CNN3: variants seen among roughly 807,000 people sequenced by gnomAD.
CNN3 encodes calponin-3.
Under a neutral mutation model 39.0 loss-of-function variants are expected in CNN3, and 11 were observed. The ratio of observed to expected loss-of-function variants is 0.28; its 90% confidence interval spans 0.18 to 0.47. The LOEUF is 0.47. Ranked by LOEUF, CNN3 falls within the 20% of genes least tolerant of loss-of-function variation. CNN3 has a pLI of 0.99. For missense variants in CNN3, 266 were observed against 403.4 expected (o/e 0.66, Z 2.92); for synonymous variants, 101 against 138.3 (o/e 0.73, Z 1.89).
rs534563162 is a variant in CNN3 at position 94,918,949 on chromosome 1, C to A, written c.57+7889G>T. Among the ~76,000 whole-genome samples the A allele has an allele frequency of 2.0e-5, 3 of 151,480 alleles. No individual in the cohort carries two copies. In the South Asian group the frequency reaches 6.3e-4, roughly 32 times the overall value. ...GCAGAGCTGTTTCAGACTAAAAACA[C>A]TTTAACTCTCCCACTGGCCCATATG... On this transcript the variant is annotated intron_variant, in intron 1 of 6. Coordinates refer to ENST00000370206, the MANE Select transcript of CNN3 (RefSeq NM_001839.5).
chr1:94,902,984 T>C lies in CNN3; in HGVS notation c.246+138A>G, dbSNP rs115149388. ...AAATTAAATATGCACAAATTTCTGC[T>C]ACAATGTCTATGTAAAAACCGTAAT... On this transcript the variant is annotated intron_variant, in intron 3 of 6. Coordinates refer to ENST00000370206, the MANE Select transcript of CNN3 (RefSeq NM_001839.5). The C allele has an allele frequency of 8.5e-4, 486 of 572,958 alleles. No homozygotes were observed. In the African/African-American group the frequency reaches 8.5e-3, roughly 10 times the overall value. The allele number at this position is 572,958 out of a possible 1,614,324, so 35.5% of individuals were successfully genotyped here. A position where few individuals can be genotyped will look rare whatever the true frequency, so the allele number is the denominator to read the frequency against.
At chr1:94,903,598 G>A (rs745870539) in intron 1 of CNN3, 74 bp from the exon 2 acceptor site, 372 of 1,580,602 alleles carry the variant, frequency 2.4e-4, no homozygotes, top group Non-Finnish European at 2.8e-4. Flanking sequence ...AACGCGCTCT[G>A]CTTTCACTAG....
At chr1:94,899,102 G>A (rs568814547) in intron 6 of CNN3, among the ~76,000 whole-genome samples, 27 of 151,932 alleles carry the variant, frequency 1.8e-4, no homozygotes, top group Non-Finnish European at 4.0e-4. Flanking sequence ...CTTGGATTTT[G>A]GAGCAAGAAC....
intron 1 of CNN3, among the ~76,000 whole-genome samples, chr1:94,911,006 T>G (rs772104376): frequency 1.7e-4 from 26 of 151,402 alleles, no homozygotes; most frequent in Non-Finnish European, 3.5e-4. Context: ...TTCTCTCTGC[T>G]TAGAATGTGT....
intron 1 of CNN3, among the ~76,000 whole-genome samples, chr1:94,922,806 T>C (rs1020191297): frequency 6.6e-6 from 1 of 152,222 alleles, no homozygotes; most frequent in African/African-American, 2.4e-5. Flanking sequence ...ATTGTTTAAC[T>C]TCAACAACCA....
At chr1:94,901,069 A>C (rs1670849475) in intron 5 of CNN3, among the ~76,000 whole-genome samples, 1 of 152,172 alleles carries the variant, frequency 6.6e-6, no homozygotes, top group African/African-American at 2.4e-5. Flanking sequence ...AAAAGATAAA[A>C]CAGGCCAGGT....
At chr1:94,910,920 C>T (rs570260748) in intron 1 of CNN3, among the ~76,000 whole-genome samples, 1 of 152,184 alleles carries the variant, frequency 6.6e-6, no homozygotes, top group Non-Finnish European at 1.5e-5. Context: ...CCTGGGATGC[C>T]AGCCTTCACC....
chr1:94,926,964 G>A lies in CNN3; in HGVS notation c.-70C>T. ...TCTCGCACTTCGCTTCCCCGCTCCT[G>A]GCCCCGAGGAGTGGCCGCCGCGGGG... On this transcript the variant is annotated 5_prime_UTR_variant, in exon 1 of 7. Transcript: ENST00000370206. This position sits in a 1 kb window ranked among gnomAD's most constrained non-coding sequence, Gnocchi z 4.2. The A allele has an allele frequency of 6.5e-7, 1 of 1,535,014 alleles. No individual in the cohort carries two copies.
Position 94,915,426 on chromosome 1 carries a change from C to T in CNN3, c.57+11412G>A, listed in dbSNP as rs184065988. Among the ~76,000 whole-genome samples the T allele has an allele frequency of 9.4e-4, 143 of 152,242 alleles. 1 individual carries two copies. Among genetic ancestry groups the T allele is most frequent in the Admixed American group, 9.1e-3 (139 of 15,296 alleles). On this transcript the variant is annotated intron_variant, in intron 1 of 6. Transcript: ENST00000370206. ...GAACATGGTTTCCCCTTTCCAGTCC[C>T]GAAGTCTGCAAGGATCTTATGATGA...
intron 1 of CNN3, among the ~76,000 whole-genome samples, chr1:94,912,193 T>A (rs1204337562): frequency 1.3e-5 from 2 of 152,132 alleles, no homozygotes; most frequent in Non-Finnish European, 2.9e-5. Flanking sequence ...GTCTAGAAAA[T>A]GACCTTTAGA....
chr1:94,901,310 C>T (rs1410356250), intron 5 of CNN3, among the ~76,000 whole-genome samples: 7 of 149,586 alleles, frequency 4.7e-5, no homozygotes, highest in East Asian at 3.9e-4. Context: ...GCCGAGATCG[C>T]GTCACTGCAC....
At chr1:94,905,513 A>T (rs1316447421) in intron 1 of CNN3, among the ~76,000 whole-genome samples, 1 of 152,160 alleles carries the variant, frequency 6.6e-6, no homozygotes, top group Non-Finnish European at 1.5e-5. Flanking sequence ...TGATTTCACT[A>T]AATTACTGTG....
At chr1:94,911,379 G>A (rs72720204) in intron 1 of CNN3, among the ~76,000 whole-genome samples, 8 of 152,300 alleles carry the variant, frequency 5.3e-5, no homozygotes, top group Non-Finnish European at 1.0e-4. Context: ...ATCAGCATAT[G>A]GCACCAACCA....
rs1670810286 is a variant in CNN3, at chr1:94,899,525, G to A, written c.502-8C>T. The A allele has an allele frequency of 1.2e-6, 2 of 1,608,458 alleles. No homozygotes were observed. Among genetic ancestry groups the A allele is most frequent in the Non-Finnish European group, 1.7e-6 (2 of 1,178,394 alleles). ...ACATTTGTTGGTTCCCATCTTTTAA[G>A]TTAAAAATAAAATTGCACAAATTAT... On this transcript the variant is annotated splice_polypyrimidine_tract_variant and splice_region_variant and intron_variant, in intron 5 of 6. Transcript: ENST00000370206.
chr1:94,900,543 T>C (rs779394902), intron 5 of CNN3, among the ~76,000 whole-genome samples: 2 of 152,234 alleles, frequency 1.3e-5, no homozygotes, highest in African/African-American at 4.8e-5. Context: ...TTTGCTTTTA[T>C]GGAGTTGTAA....
In CNN3 at chr1:94,899,450, T is replaced by C; in HGVS notation, c.569A>G (p.Asp190Gly). 1 of 1,614,100 alleles carries C rather than the reference T, an allele frequency of 6.2e-7. No homozygotes were observed. Among genetic ancestry groups the C allele is most frequent in the Non-Finnish European group, 8.5e-7 (1 of 1,179,968 alleles). The change falls in exon 6 of 7, where the codon GAT (aspartate) becomes GGT (glycine). Residue 190 changes from aspartate (D) to glycine (G), a missense_variant. By Grantham distance (94) the Asp-to-Gly change is moderately conservative. Coordinates refer to ENST00000370206, the MANE Select transcript of CNN3 (RefSeq NM_001839.5). ...TAYGTRRHLYDPKMQTDKPFD... is the reference protein window; with the variant it reads ...TAYGTRRHLYGPKMQTDKPFD... ...AGGTTTGTCAGTTTGCATTTTGGGA[T>C]CATAAAGATGCCTCCTAGTCCCGTA...
At chr1:94,917,738 T>C (rs1207431028) in intron 1 of CNN3, among the ~76,000 whole-genome samples, 1 of 152,206 alleles carries the variant, frequency 6.6e-6, no homozygotes, top group Non-Finnish European at 1.5e-5. Flanking sequence ...GGTTGAACAA[T>C]ATTCAAAGCA....
chr1:94,900,476 AT>A (rs950775575), intron 5 of CNN3, among the ~76,000 whole-genome samples: 10 of 152,102 alleles, frequency 6.6e-5, no homozygotes, highest in African/African-American at 9.7e-5. Context: ...TGATGATCTG[AT>A]TTTTTTCCCC....
chr1:94,927,022 G>A lies in CNN3; in HGVS notation c.-128C>T. 9.5e-7 allele frequency: 1 copy of A among 1,052,750 alleles called. No individual in the cohort carries two copies. The highest frequency in any genetic ancestry group is 1.4e-6 in the Non-Finnish European group (1 of 730,670). The allele number at this position is 1,052,750 out of a possible 1,614,324, so 65.2% of individuals were successfully genotyped here. A position where few individuals can be genotyped will look rare whatever the true frequency, so the allele number is the denominator to read the frequency against. ...GAACTCCCTCCTCTGGGAGGCGCAG[G>A]AGACGGCCGCGGGGCGCGGGCGGTG... is the stretch of plus-strand genomic sequence containing the variant. On this transcript the variant is annotated 5_prime_UTR_variant, in exon 1 of 7. Coordinates refer to ENST00000370206, the MANE Select transcript of CNN3 (RefSeq NM_001839.5).
Sources: gnomAD v4.1 joint callset for allele counts (sites outside exome capture counted in the v4.1 genomes callset) on GRCh38, gnomAD v4.1.1 for gene constraint, Gnocchi (gnomAD v3.1) non-coding constraint, MANE v1.5 for transcripts, NCBI Gene and HGNC (gene_info 2026-07-23, HGNC 2026-07-21) for gene names.